The following CNOT1 variants were observed in gnomAD, a reference collection of about 807,000 sequenced individuals.
CNOT1 encodes CCR4-NOT transcription complex subunit 1.
A neutral mutation model predicts 273.8 loss-of-function variants in CNOT1; 15 were observed. The ratio of observed to expected loss-of-function variants is 0.05; its 90% CI spans 0.04 to 0.08. The LOEUF is 0.08. Among genes scored for constraint, CNOT1 ranks in the 10% least tolerant of loss-of-function variants. The pLI is 1.00. For synonymous variants in CNOT1, 1,022 were observed against 1,005.5 expected (o/e 1.02, Z -0.31); for missense variants, 1,644 against 2,912.2 (o/e 0.56, Z 10.02).
intron 2 of CNOT1, chr16:58,599,027 G>A: frequency 2.4e-6 from 1 of 419,372 alleles, no homozygotes; most frequent in Non-Finnish European, 4.1e-6. Context: ...CTCCAGCCTG[G>A]ACGACAGAGT....
Position 58,588,940 on chromosome 16 carries a change from G to C in CNOT1, c.103-34C>G, listed in dbSNP as rs1244974553. Reference sequence around the variant, plus strand: ...ACCAAAAATAACATGTTTAATAAGGGAAGATAAAACAAAAAAAAAAAGTAA... The same window carrying C: ...ACCAAAAATAACATGTTTAATAAGGCAAGATAAAACAAAAAAAAAAAGTAA... On this transcript the variant is annotated intron_variant, in intron 2 of 48. Coordinates refer to ENST00000317147, the MANE Select transcript of CNOT1 (RefSeq NM_016284.5). 3 of 1,499,038 alleles carry C rather than the reference G, an allele frequency of 2.0e-6. No homozygotes were observed. The East Asian group carries it at 7.6e-5, about 38-fold the overall frequency. 92.9% of individuals were successfully genotyped at this position (1,499,038 alleles called of 1,614,324 possible). A position where few individuals can be genotyped will look rare whatever the true frequency, so the allele number is the denominator to read the frequency against.
At chr16:58,555,694 A>C (rs2040607729) in intron 20 of CNOT1, 90 bp downstream of exon 20, 2 of 1,580,488 alleles carry the variant, frequency 1.3e-6, no homozygotes, top group African/African-American at 2.7e-5. Flanking sequence ...ATATCAGGGC[A>C]CTTTGAGCTG....
At chr16:58,588,987 C>A (rs2041964384) in intron 2 of CNOT1, 81 bp from the exon 3 acceptor site, 4 of 1,468,858 alleles carry the variant, frequency 2.7e-6, no homozygotes, top group Non-Finnish European at 3.6e-6. Context: ...AGAAAATCAA[C>A]CTCCAAGGCA....
At chr16:58,587,972 A>G in intron 3 of CNOT1, 94 bp from the exon 4 acceptor site, 1 of 1,214,512 alleles carries the variant, frequency 8.2e-7, no homozygotes, top group Non-Finnish European at 1.2e-6. Context: ...GTGATCTAAC[A>G]CTATATACTG....
chr16:58,541,698 T>C, intron 33 of CNOT1, 78 bp from the exon 34 acceptor site: 3 of 1,438,692 alleles, frequency 2.1e-6, no homozygotes, highest in Non-Finnish European at 1.9e-6. Context: ...AAAGTCTGCA[T>C]GTGGGTAAGC....
At chr16:58,567,639 T>A (rs1398879859) in intron 16 of CNOT1, among the ~76,000 whole-genome samples, 1 of 151,520 alleles carries the variant, frequency 6.6e-6, no homozygotes, top group East Asian at 1.9e-4. Flanking sequence ...TAGAAAAGTG[T>A]CTGAATCAAC....
In CNOT1 at chr16:58,578,900, T is replaced by C. The variant is rs1480528524; in HGVS notation, c.1383A>G (p.Ala461=). 6.2e-7 allele frequency: 1 copy of C among 1,614,192 alleles called. No homozygotes were observed. The highest frequency in any genetic ancestry group is 1.1e-5 in the South Asian group (1 of 91,084). The change falls in exon 13 of 49, where the codon GCA becomes GCG. Residue 461 remains alanine (A), a synonymous_variant. Coordinates refer to ENST00000317147, the MANE Select transcript of CNOT1 (RefSeq NM_016284.5). ...TGACTTGCTCATACTGCCCAACCTC[T>C]GCAAGCCTCAGCAGAGATTCAATCA... ...LDLIESLLRL[A]EVGQYEQVKQ...
intron 47 of CNOT1, among the ~76,000 whole-genome samples, chr16:58,522,452 GAT>G (rs1338666684): frequency 1.3e-5 from 2 of 152,062 alleles, no homozygotes; most frequent in South Asian, 2.1e-4. Context: ...CATCCAATAA[GAT>G]ATTAAATTTT....
chr16:58,624,855 C>G (rs2043497166), intron 1 of CNOT1: 1 of 152,076 alleles, frequency 6.6e-6, no homozygotes, highest in Non-Finnish European at 1.5e-5. Flanking sequence ...AAGTCTACAC[C>G]TCTAATTACT....
In CNOT1 at chr16:58,547,569, G is replaced by A. The variant is rs767662255; in HGVS notation, c.3636C>T (p.His1212=). 2 of 1,612,470 alleles carry A rather than the reference G, an allele frequency of 1.2e-6. No homozygotes were observed. Among genetic ancestry groups the A allele is most frequent in the Non-Finnish European group, 1.7e-6 (2 of 1,179,208 alleles). Residue 1212 remains histidine, a synonymous_variant, in exon 26 of 49, where the codon CAC becomes CAT. Transcript: ENST00000317147. The surrounding 1 kb of genome is among the most constrained non-coding windows in gnomAD (Gnocchi z 4.0). ...ITLAKNKPIL[H]TDLDVKSLLL... Reference sequence around the variant, plus strand: ...TACACATTTAGATGAAACTCACAGTGTGTAAGATGGGTTTGTTTTTAGCTA... The same window carrying A: ...TACACATTTAGATGAAACTCACAGTATGTAAGATGGGTTTGTTTTTAGCTA...
intron 1 of CNOT1, among the ~76,000 whole-genome samples, chr16:58,622,887 T>C (rs765551045): frequency 6.7e-6 from 1 of 149,004 alleles, no homozygotes; most frequent in Non-Finnish European, 1.5e-5. Context: ...GAAAAAAGAA[T>C]GTTAGATAGC....
intron 16 of CNOT1, among the ~76,000 whole-genome samples, chr16:58,569,539 A>T (rs1251934219): frequency 6.6e-6 from 1 of 152,076 alleles, no homozygotes; most frequent in Admixed American, 6.5e-5. Flanking sequence ...AAAAAACAGA[A>T]ATTCGTTTTT....
chr16:58,527,147 C>T lies in CNOT1; in HGVS notation c.6454-1009G>A, dbSNP rs142110080. Reference sequence around the variant, plus strand: ...AAAAATACAGTGGGTTCTCCATACCCTTAGGTTCCATATCTAATTAACCTC... The same window carrying T: ...AAAAATACAGTGGGTTCTCCATACCTTTAGGTTCCATATCTAATTAACCTC... On this transcript the variant is annotated intron_variant, in intron 44 of 48. Transcript: ENST00000317147. 1.1e-3 allele frequency among the ~76,000 whole-genome samples: 170 copies of T among 152,276 alleles called. 1 individual carries two copies. The highest frequency in any genetic ancestry group is 3.9e-3 in the African/African-American group (161 of 41,540).
In CNOT1 at chr16:58,538,927, G is replaced by T. The variant is rs757079303; in HGVS notation, c.4993-13C>A. The stretch of plus-strand genomic sequence containing the variant: ...AGCCCTCTACAGCCTATGGGAGAAA[G>T]AAAGCGTTCAAAACCATGAAAAATA... On this transcript the variant is annotated splice_polypyrimidine_tract_variant and intron_variant, in intron 35 of 48. Coordinates refer to ENST00000317147, the MANE Select transcript of CNOT1 (RefSeq NM_016284.5). The T allele has an allele frequency of 2.5e-6, 4 of 1,608,366 alleles. No homozygotes were observed. The highest frequency in any genetic ancestry group is 3.4e-6 in the Non-Finnish European group (4 of 1,178,170).
In CNOT1 at chr16:58,539,872, A is replaced by G; in HGVS notation, c.4888T>C (p.Leu1630=). Residue 1630 remains leucine, a synonymous_variant, in exon 35 of 49, where the codon TTG becomes CTG. Coordinates refer to ENST00000317147, the MANE Select transcript of CNOT1 (RefSeq NM_016284.5). The part of the protein sequence containing the change: ...EQHLHAIPPT[L]AMNPQAQALR... ...GCCTGAGCTTGAGGGTTCATGGCCA[A>G]AGTTGGTGGGATGGCATGTAGATGT... The G allele has an allele frequency of 1.2e-6, 2 of 1,614,182 alleles. No homozygotes were observed. The highest frequency in any genetic ancestry group is 1.7e-6 in the Non-Finnish European group (2 of 1,180,032).
Position 58,556,916 on chromosome 16 carries a change from A to T in CNOT1, c.2410T>A (p.Phe804Ile). 3.1e-6 allele frequency: 5 copies of T among 1,614,148 alleles called. No individual in the cohort carries two copies. The highest frequency in any genetic ancestry group is 4.2e-6 in the Non-Finnish European group (5 of 1,180,022). Reference protein sequence around the residue: ...LGLPAVNNDPFVQRKLGTSGL... With the variant: ...LGLPAVNNDPIVQRKLGTSGL... ...GAGGTGCCCAGTTTCCTCTGTACAA[A>T]AGGGTCGTTATTCACTGCAGGGAGT... Residue 804 changes from phenylalanine to isoleucine, a missense_variant, in exon 19 of 49, where the codon TTT becomes ATT. Physicochemically the swap from Phe to Ile is conservative, Grantham distance 21. Around this residue, in one of 13 missense-constraint regions of CNOT1, gnomAD observed 706 missense variants for 1,021.2 expected, o/e 0.69. Coordinates refer to ENST00000317147, the MANE Select transcript of CNOT1 (RefSeq NM_016284.5).
chr16:58,528,353 G>A (rs1179708693), intron 44 of CNOT1, 122 bp downstream of exon 44: 4 of 743,026 alleles, frequency 5.4e-6, no homozygotes, highest in Non-Finnish European at 4.8e-6. Context: ...TTCCTTTAAA[G>A]AGTACCCTTA....
In CNOT1 at chr16:58,522,237, C is replaced by CA. The variant is rs56149974; in HGVS notation, c.6918-921dup. 2.1e-3 allele frequency among the ~76,000 whole-genome samples: 205 copies of CA among 98,574 alleles called. 17 individuals carry two copies. Among genetic ancestry groups the CA allele is most frequent in the Middle Eastern group, 6.7e-3 (1 of 150 alleles). The allele number at this position is 98,574 out of a possible 152,430, so 64.7% of individuals were successfully genotyped here. A position where few individuals can be genotyped will look rare whatever the true frequency, so the allele number is the denominator to read the frequency against. ...AGGAGGCGACAAAGCGAGACTGTCT[C>CA]AAAAAAAAAAAAAAAAAAAAAAAAA... On this transcript the variant is annotated intron_variant, in intron 47 of 48. Transcript: ENST00000317147.
At chr16:58,571,118 A>C (rs191207987) in intron 16 of CNOT1, among the ~76,000 whole-genome samples, 8 of 139,954 alleles carry the variant, frequency 5.7e-5, no homozygotes, top group Non-Finnish European at 1.6e-5. Flanking sequence ...AAACAAAACA[A>C]AAAACAAAAC....
Sources: gnomAD v4.1 joint callset for allele counts (sites outside exome capture counted in the v4.1 genomes callset) on GRCh38, gnomAD v4.1.1 for gene constraint, gnomAD v4.1.1 regional missense constraint, Gnocchi (gnomAD v3.1) non-coding constraint, MANE v1.5 for transcripts, NCBI Gene and HGNC (gene_info 2026-07-23, HGNC 2026-07-21) for gene names.